SLC24A2: variants seen among roughly 807,000 people sequenced by gnomAD.
The protein encoded by SLC24A2 is sodium/potassium/calcium exchanger 2.
A neutral mutation model predicts 62.0 loss-of-function variants in SLC24A2; 36 were observed. The observed-to-expected ratio is 0.58, with a 90% CI of 0.44 to 0.77. SLC24A2 has a LOEUF of 0.77. Among genes scored for constraint, SLC24A2 ranks in the 30% least tolerant of loss-of-function variants. The pLI is 0.00. For synonymous variants in SLC24A2, 358 were observed against 294.0 expected (o/e 1.22, Z -2.23); for missense variants, 846 against 817.9 (o/e 1.03, Z -0.42).
chr9:20,224,478 G>A, the SLC24A2 span, among the ~76,000 whole-genome samples: 62,134 of 151,860 alleles, frequency 0.41, 14,829 homozygotes, highest in East Asian at 0.8. Context: ...TAAAACCAGA[G>A]CTCTCATACA....
At chr9:20,285,576 A>C in the SLC24A2 span, among the ~76,000 whole-genome samples, 1 of 152,180 alleles carries the variant, frequency 6.6e-6, no homozygotes, top group Admixed American at 6.5e-5. Flanking sequence ...TCATAGGATG[A>C]GGGCCACTGA....
At chr9:20,105,867 T>C in the SLC24A2 span, among the ~76,000 whole-genome samples, 11 of 151,876 alleles carry the variant, frequency 7.2e-5, no homozygotes, top group African/African-American at 2.4e-4. Context: ...CTGAAGGAAA[T>C]AGAGACACAA....
the SLC24A2 span, among the ~76,000 whole-genome samples, chr9:20,303,822 G>T: frequency 6.6e-6 from 1 of 152,196 alleles, no homozygotes; most frequent in African/African-American, 2.4e-5. Flanking sequence ...AAACCTCACT[G>T]TGTTCCTAGT....
At chr9:20,267,418 C>G in the SLC24A2 span, among the ~76,000 whole-genome samples, 3 of 152,304 alleles carry the variant, frequency 2.0e-5, no homozygotes, top group African/African-American at 7.2e-5. Context: ...ATGCTGGCGT[C>G]TCCTAGTGCT....
the SLC24A2 span, among the ~76,000 whole-genome samples, chr9:20,085,943 A>C: frequency 6.6e-6 from 1 of 152,150 alleles, no homozygotes; most frequent in Non-Finnish European, 1.5e-5. Context: ...AAATGCATGG[A>C]AAGTGAGAGT....
At chr9:19,823,913 C>A in the SLC24A2 span, among the ~76,000 whole-genome samples, 1 of 152,128 alleles carries the variant, frequency 6.6e-6, no homozygotes, top group African/African-American at 2.4e-5. Flanking sequence ...CAAAAACAAG[C>A]AATGGGGAAA....
chr9:19,541,419 C>T (rs1458832138), intron 8 of SLC24A2, among the ~76,000 whole-genome samples: 5 of 151,948 alleles, frequency 3.3e-5, no homozygotes, highest in Non-Finnish European at 5.9e-5. Context: ...AGTTTTCCTT[C>T]TAACAGACAG....
chr9:19,908,082 C>T, the SLC24A2 span, among the ~76,000 whole-genome samples: 1 of 152,208 alleles, frequency 6.6e-6, no homozygotes, highest in Non-Finnish European at 1.5e-5. Context: ...TGACTTCAAA[C>T]TATACTACAA....
the SLC24A2 span, among the ~76,000 whole-genome samples, chr9:19,812,057 A>T: frequency 6.6e-6 from 1 of 152,250 alleles, no homozygotes; most frequent in East Asian, 1.9e-4. Flanking sequence ...GACTAAATGT[A>T]ATTTTCTTTA....
the SLC24A2 span, among the ~76,000 whole-genome samples, chr9:20,173,541 C>G: frequency 6.6e-6 from 1 of 151,872 alleles, no homozygotes; most frequent in Non-Finnish European, 1.5e-5. Flanking sequence ...CCAACAGTGA[C>G]CAAGCTGAGA....
At chr9:19,909,077 T>C in the SLC24A2 span, among the ~76,000 whole-genome samples, 1,281 of 152,172 alleles carry the variant, frequency 8.4e-3, 12 homozygotes, top group Non-Finnish European at 0.012. Flanking sequence ...GACTTGGAAC[T>C]AACCCAAATG....
the SLC24A2 span, among the ~76,000 whole-genome samples, chr9:20,076,752 A>T: frequency 6.6e-6 from 1 of 151,770 alleles, no homozygotes; most frequent in East Asian, 1.9e-4. Flanking sequence ...GTGCCAAAAA[A>T]AAGTAGTTAG....
At chr9:19,859,606 C>T in the SLC24A2 span, among the ~76,000 whole-genome samples, 1 of 152,298 alleles carries the variant, frequency 6.6e-6, no homozygotes, top group South Asian at 2.1e-4. Context: ...TATCTACATG[C>T]ACAATAAATC....
At chr9:19,687,541 C>T (rs949263582) in intron 2 of SLC24A2, among the ~76,000 whole-genome samples, 3 of 152,012 alleles carry the variant, frequency 2.0e-5, no homozygotes, top group Admixed American at 1.3e-4. Context: ...TTCCTCACAC[C>T]GTTCACATTC....
intron 8 of SLC24A2, among the ~76,000 whole-genome samples, chr9:19,545,435 C>A (rs1834504534): frequency 6.6e-6 from 1 of 151,998 alleles, no homozygotes; most frequent in Non-Finnish European, 1.5e-5. Flanking sequence ...TCTGTCGAGT[C>A]ATGAAACTCA....
the SLC24A2 span, among the ~76,000 whole-genome samples, chr9:20,036,285 C>A: frequency 6.6e-6 from 1 of 152,098 alleles, no homozygotes; most frequent in African/African-American, 2.4e-5. Context: ...TTAAATCAAC[C>A]TAATTAACCT....
chr9:20,033,011 T>C, the SLC24A2 span, among the ~76,000 whole-genome samples: 1 of 152,230 alleles, frequency 6.6e-6, no homozygotes, highest in Admixed American at 6.5e-5. Flanking sequence ...TATTCAACAC[T>C]GCACAAAAGG....
the SLC24A2 span, among the ~76,000 whole-genome samples, chr9:19,800,478 A>G: frequency 3.3e-3 from 506 of 152,306 alleles, 2 homozygotes; most frequent in African/African-American, 0.012. Context: ...TCCAAATGTC[A>G]TTGTACTTTG....
the SLC24A2 span, among the ~76,000 whole-genome samples, chr9:20,037,178 G>A: frequency 4.9e-5 from 6 of 122,486 alleles, no homozygotes; most frequent in East Asian, 2.9e-4. Flanking sequence ...GATTACAGGC[G>A]TGAGCCGCTG....
Sources: allele counts gnomAD v4.1 joint callset (sites outside exome capture counted in the v4.1 genomes callset), GRCh38; gene constraint gnomAD v4.1.1; transcripts MANE v1.5; gene names NCBI Gene and HGNC (gene_info 2026-07-23, HGNC 2026-07-21).